NMI: variants seen among roughly 807,000 people sequenced by gnomAD.
The protein encoded by NMI is N-myc-interactor.
In NMI, 39 loss-of-function variants were observed where a neutral mutation model predicts 34.3. The ratio of observed to expected loss-of-function variants is 1.14; its 90% confidence interval spans 0.88 to 1.49. The LOEUF (loss-of-function observed/expected upper bound fraction) is 1.49. Ranked by LOEUF, NMI falls within the 40% of genes most tolerant of loss-of-function variation. NMI has a pLI of 0.00. For missense variants in NMI, 339 were observed against 358.1 expected (o/e 0.95, Z 0.43); for synonymous variants, 113 against 120.3 (o/e 0.94, Z 0.40).
intron 4 of NMI, 141 bp downstream of exon 4, chr2:151,278,687 G>T: frequency 1.6e-6 from 1 of 643,674 alleles, no homozygotes; most frequent in Non-Finnish European, 2.6e-6. Flanking sequence ...TCTGTAAAAT[G>T]GGAATAATCA....
chr2:151,275,552 C>T lies in NMI; in HGVS notation c.566G>A (p.Gly189Glu), dbSNP rs1683277189. The change falls in exon 6 of 8, where the codon GGA becomes GAA. Residue 189 changes from glycine (G) to glutamate (E), a missense_variant. Coordinates refer to ENST00000243346, the MANE Select transcript of NMI (RefSeq NM_004688.3). ...LSFSKSRNGGGEVDRVDYDRQ... is the reference protein window; with the variant it reads ...LSFSKSRNGGEEVDRVDYDRQ... ...GTCATAGTCCACGCGGTCCACCTCTCCGCCTCCATTTCGGGACTTTGAAAA... is the reference window on the plus strand; with the variant it reads ...GTCATAGTCCACGCGGTCCACCTCTTCGCCTCCATTTCGGGACTTTGAAAA... 1 of 1,614,098 alleles carries T rather than the reference C, an allele frequency of 6.2e-7. No homozygotes were observed. Among genetic ancestry groups the T allele is most frequent in the East Asian group, 2.2e-5 (1 of 44,902 alleles).
chr2:151,275,714 C>T (rs753519261), intron 5 of NMI, 44 bp from the exon 6 acceptor site: 10 of 1,609,178 alleles, frequency 6.2e-6, no homozygotes, highest in Middle Eastern at 1.7e-4. Context: ...GAGAGAAGTG[C>T]TTGTGATGAA....
chr2:151,287,767 C>T (rs1683530477), intron 1 of NMI, among the ~76,000 whole-genome samples: 1 of 152,116 alleles, frequency 6.6e-6, no homozygotes. Flanking sequence ...TCTACTCCTC[C>T]CTGCAGACAT....
chr2:151,275,461 T>TA, intron 6 of NMI, 23 bp downstream of exon 6: 1 of 1,601,760 alleles, frequency 6.2e-7, no homozygotes, highest in Non-Finnish European at 8.5e-7. Context: ...GAGTGTCTGT[T>TA]AACCTTCTAC....
intron 6 of NMI, 38 bp downstream of exon 6, chr2:151,275,446 T>C: frequency 3.2e-6 from 5 of 1,549,180 alleles, no homozygotes; most frequent in Middle Eastern, 2.2e-4. Context: ...ATGACTGAAA[T>C]GGCAGAGTGT....
At chr2:151,286,102 A>G (rs1018913623) in intron 1 of NMI, among the ~76,000 whole-genome samples, 1 of 152,244 alleles carries the variant, frequency 6.6e-6, no homozygotes, top group Non-Finnish European at 1.5e-5. Context: ...AGAAAAGAGT[A>G]ACTTTATACT....
rs201563970 is a variant in NMI at position 151,275,564 on chromosome 2, C to T, written c.554G>A (p.Arg185Gln). 2.5e-5 allele frequency: 41 copies of T among 1,614,178 alleles called. No individual in the cohort carries two copies. The East Asian group carries it at 3.8e-4, about 15-fold the overall frequency. Reference protein sequence around the residue: ...DKLELSFSKSRNGGGEVDRVD... With the variant: ...DKLELSFSKSQNGGGEVDRVD... Reference sequence around the variant, plus strand: ...GCGGTCCACCTCTCCGCCTCCATTTCGGGACTTTGAAAAGCTCAGCTCTAG... The same window carrying T: ...GCGGTCCACCTCTCCGCCTCCATTTTGGGACTTTGAAAAGCTCAGCTCTAG... Residue 185 changes from arginine (R) to glutamine (Q), a missense_variant, in exon 6 of 8, where the codon CGA becomes CAA. Coordinates refer to ENST00000243346, the MANE Select transcript of NMI (RefSeq NM_004688.3).
intron 3 of NMI, among the ~76,000 whole-genome samples, chr2:151,281,125 AC>A (rs199841628): frequency 1.3e-5 from 2 of 152,296 alleles, no homozygotes; most frequent in East Asian, 3.9e-4. Flanking sequence ...GGCATGAGCC[AC>A]CGCGCCCAGC....
At position 151,275,500 on chromosome 2, in the gene NMI, C is replaced by T. The variant is rs775819842; in HGVS notation, c.618G>A (p.Thr206=). The part of the protein sequence containing the change: ...YDRQSGSAVI[T]FVEIGVADKI... Reference sequence around the variant, plus strand: ...CTTGAGTACCTCCAATCTCCACAAACGTGATGACTGCACTCCCGGACTGTC... The same window carrying T: ...CTTGAGTACCTCCAATCTCCACAAATGTGATGACTGCACTCCCGGACTGTC... The change falls in exon 6 of 8, where the codon ACG becomes ACA. Residue 206 remains threonine, a synonymous_variant. Coordinates refer to ENST00000243346, the MANE Select transcript of NMI (RefSeq NM_004688.3). 20 of 1,613,804 alleles carry T rather than the reference C, an allele frequency of 1.2e-5. No individual in the cohort carries two copies. Among genetic ancestry groups the T allele is most frequent in the South Asian group, 3.3e-5 (3 of 91,072 alleles).
intron 6 of NMI, 138 bp from the exon 7 acceptor site, chr2:151,271,870 C>G (rs1203796959): frequency 1.7e-6 from 1 of 571,446 alleles, no homozygotes; most frequent in Admixed American, 3.4e-5. Flanking sequence ...TTCTAAAGCC[C>G]ACTTTGAAGA....
rs1487737892 is a variant in NMI, at chr2:151,275,386, C to T, written c.634+98G>A. The T allele has an allele frequency of 3.7e-6, 4 of 1,088,342 alleles. No homozygotes were observed. In the Admixed American group the frequency reaches 8.9e-5, roughly 24 times the overall value. 67.4% of individuals were successfully genotyped at this position (1,088,342 alleles called of 1,614,324 possible). ...AAAATCCCCAATTATCATGCTAATA[C>T]ATTCCAAATAAAAGAAGTAGAATAG... On this transcript the variant is annotated intron_variant, in intron 6 of 7. Transcript: ENST00000243346.
In NMI at chr2:151,275,614, C is replaced by T. The variant is rs753322635; in HGVS notation, c.504G>A (p.Leu168=). 6.2e-7 allele frequency: 1 copy of T among 1,614,162 alleles called. No homozygotes were observed. Among genetic ancestry groups the T allele is most frequent in the South Asian group, 1.1e-5 (1 of 91,086 alleles). The change falls in exon 6 of 8, where the codon TTG becomes TTA. Residue 168 remains leucine, a synonymous_variant. Transcript: ENST00000243346. The part of the protein sequence containing the change: ...KINVTEIPDT[L]REDQMRDKLE... ...GTTTGTCTCTCATTTGATCTTCACG[C>T]AATGTGTCAGGAATTTCAGTAACAT...
chr2:151,270,597 A>T lies in NMI; in HGVS notation c.*96T>A. On this transcript the variant is annotated 3_prime_UTR_variant, in exon 8 of 8. Transcript: ENST00000243346. ...TAAACATAAATGGATGGTAAAAATTAAAGTTTTCATTTTTTAAGGAAAAGC... is the reference window on the plus strand; with the variant it reads ...TAAACATAAATGGATGGTAAAAATTTAAGTTTTCATTTTTTAAGGAAAAGC... 1 of 990,784 alleles carries T rather than the reference A, an allele frequency of 1.0e-6. No individual in the cohort carries two copies. The highest frequency in any genetic ancestry group is 1.5e-6 in the Non-Finnish European group (1 of 673,030). 61.4% of individuals were successfully genotyped at this position (990,784 alleles called of 1,614,324 possible).
At chr2:151,270,897 A>C in intron 7 of NMI, 22 bp from the exon 8 acceptor site, 1 of 1,569,970 alleles carries the variant, frequency 6.4e-7, no homozygotes, top group Non-Finnish European at 8.7e-7. Flanking sequence ...AAAATGATAA[A>C]TAGAAAGATT....
chr2:151,283,571 A>C, intron 1 of NMI, among the ~76,000 whole-genome samples: 1 of 152,214 alleles, frequency 6.6e-6, no homozygotes, highest in East Asian at 1.9e-4. Context: ...CCATAATATC[A>C]TGCTCCATTT....
At chr2:151,283,269 G>A (rs1196303327) in intron 1 of NMI, among the ~76,000 whole-genome samples, 1 of 151,958 alleles carries the variant, frequency 6.6e-6, no homozygotes, top group Non-Finnish European at 1.5e-5. Context: ...AGCCTCCCAA[G>A]TAGTTGGGAT....
At chr2:151,288,089 G>A (rs780339283) in intron 1 of NMI, among the ~76,000 whole-genome samples, 91 of 152,280 alleles carry the variant, frequency 6.0e-4, no homozygotes, top group Non-Finnish European at 1.0e-3. Flanking sequence ...TGGGATGTAT[G>A]GTCATTCCTT....
chr2:151,278,154 A>C (rs1205441194), intron 4 of NMI: 1 of 152,230 alleles, frequency 6.6e-6, no homozygotes, highest in East Asian at 1.9e-4. Flanking sequence ...TACTACCATG[A>C]AGCACCTGTA....
At chr2:151,286,456 C>A (rs1484814717) in intron 1 of NMI, among the ~76,000 whole-genome samples, 1 of 152,150 alleles carries the variant, frequency 6.6e-6, no homozygotes, top group East Asian at 1.9e-4. Flanking sequence ...GGCTCAGAAA[C>A]TGATACCCGG....
Sources: gnomAD v4.1 joint callset for allele counts (sites outside exome capture counted in the v4.1 genomes callset) on GRCh38, gnomAD v4.1.1 for gene constraint, MANE v1.5 for transcripts, NCBI Gene and HGNC (gene_info 2026-07-23, HGNC 2026-07-21) for gene names.